The following PTPRD variants were observed in gnomAD, a reference collection of about 807,000 sequenced individuals.
PTPRD encodes receptor-type tyrosine-protein phosphatase delta.
In PTPRD, 34 loss-of-function variants were observed where a neutral mutation model predicts 214.5. The ratio of observed to expected loss-of-function variants is 0.16; its 90% CI spans 0.12 to 0.21. The LOEUF (loss-of-function observed/expected upper bound fraction) is 0.21. PTPRD is among the 10% of genes least tolerant of loss of function. The pLI is 1.00. For missense variants in PTPRD, 2,545 were observed against 2,398.7 expected (o/e 1.06, Z -1.27); for synonymous variants, 1,128 against 845.7 (o/e 1.33, Z -5.79).
intron 3 of PTPRD, among the ~76,000 whole-genome samples, chr9:10,119,939 G>C (rs2098761709): frequency 6.6e-6 from 1 of 151,954 alleles, no homozygotes; most frequent in Admixed American, 6.6e-5. Flanking sequence ...CCACTTCAAA[G>C]TCTTTCACGA....
chr9:10,112,895 G>C (rs2098703137), intron 3 of PTPRD, among the ~76,000 whole-genome samples: 1 of 152,150 alleles, frequency 6.6e-6, no homozygotes, highest in Admixed American at 6.5e-5. Flanking sequence ...CAGTTCTCTG[G>C]TATTTTAGAG....
intron 5 of PTPRD, among the ~76,000 whole-genome samples, chr9:9,890,858 A>G (rs1189362239): frequency 6.6e-6 from 1 of 152,128 alleles, no homozygotes; most frequent in Non-Finnish European, 1.5e-5. Flanking sequence ...ACACTCCTGA[A>G]TCTCTTCTCT....
At chr9:10,354,844 G>A (rs964564559) in intron 2 of PTPRD, among the ~76,000 whole-genome samples, 4 of 152,074 alleles carry the variant, frequency 2.6e-5, no homozygotes, top group Admixed American at 6.6e-5. Context: ...GATGTGTGCC[G>A]TACGTGCTTT....
Position 10,171,707 on chromosome 9 carries a change from T to C in PTPRD, c.-544-137917A>G, listed in dbSNP as rs1028997469. Among the ~76,000 whole-genome samples, 5 of 152,230 alleles carry C rather than the reference T, an allele frequency of 3.3e-5. No individual in the cohort carries two copies. In the East Asian group the frequency reaches 5.8e-4, roughly 18 times the overall value. The stretch of plus-strand genomic sequence containing the variant: ...GCCCGGCTAATTTTTGTATTTTTAG[T>C]AGAGACGGGGTTTCACTGTGTTAAC... On this transcript the variant is annotated intron_variant, in intron 3 of 45. Transcript: ENST00000381196.
chr9:10,165,829 T>A (rs2099155688), intron 3 of PTPRD, among the ~76,000 whole-genome samples: 1 of 151,148 alleles, frequency 6.6e-6, no homozygotes, highest in African/African-American at 2.4e-5. Flanking sequence ...ATCATGTTTA[T>A]GTATTTGTAG....
intron 2 of PTPRD, among the ~76,000 whole-genome samples, chr9:10,490,820 A>T (rs953401789): frequency 6.6e-6 from 1 of 152,174 alleles, no homozygotes; most frequent in Admixed American, 6.6e-5. Flanking sequence ...ATTTGAAATT[A>T]TATGTCATTT....
chr9:8,719,155 G>C (rs1044739628), intron 12 of PTPRD, among the ~76,000 whole-genome samples: 2 of 152,030 alleles, frequency 1.3e-5, no homozygotes, highest in African/African-American at 4.8e-5. Flanking sequence ...AGCTCCAAAT[G>C]TCAGGCACAC....
chr9:9,525,928 A>G (rs558578089), intron 8 of PTPRD, among the ~76,000 whole-genome samples: 22 of 152,010 alleles, frequency 1.4e-4, no homozygotes, highest in Non-Finnish European at 2.4e-4. Context: ...ACATTGCCTC[A>G]CTCTAGAAAT....
rs1433194273 is a variant in PTPRD, at chr9:9,251,997, G to T, written c.-202-68634C>A. On this transcript the variant is annotated intron_variant, in intron 9 of 45. Transcript: ENST00000381196. Reference sequence around the variant, plus strand: ...ATTGTCTTTACAACCTATATACAATGCTTGCTATCCTCTCTTTTAGCTGAA... The same window carrying T: ...ATTGTCTTTACAACCTATATACAATTCTTGCTATCCTCTCTTTTAGCTGAA... Among the ~76,000 whole-genome samples, 5 of 151,968 alleles carry T rather than the reference G, an allele frequency of 3.3e-5. No homozygotes were observed. In the South Asian group the frequency reaches 1.0e-3, roughly 31 times the overall value.
intron 9 of PTPRD, among the ~76,000 whole-genome samples, chr9:9,211,628 G>C (rs138799709): frequency 1.0e-3 from 154 of 151,534 alleles, no homozygotes; most frequent in African/African-American, 3.6e-3. Flanking sequence ...CAAAATATTT[G>C]ACATATACCA....
At chr9:9,300,410 C>T (rs1163047654) in intron 9 of PTPRD, among the ~76,000 whole-genome samples, 1 of 151,760 alleles carries the variant, frequency 6.6e-6, no homozygotes, top group Non-Finnish European at 1.5e-5. Context: ...TCTTTTTAGA[C>T]AGCGCCTCTT....
chr9:9,936,417 C>T (rs1482037525), intron 5 of PTPRD, among the ~76,000 whole-genome samples: 1 of 151,762 alleles, frequency 6.6e-6, no homozygotes, highest in African/African-American at 2.4e-5. Context: ...GGGCGAAGGA[C>T]ATGAACAGAC....
At chr9:9,105,885 AG>A (rs1164370265) in intron 10 of PTPRD, among the ~76,000 whole-genome samples, 5 of 152,190 alleles carry the variant, frequency 3.3e-5, no homozygotes, top group Non-Finnish European at 7.3e-5. Context: ...CTCTTTACTT[AG>A]CTACGACTCC....
At chr9:10,550,497 G>A (rs1288526317) in intron 2 of PTPRD, among the ~76,000 whole-genome samples, 2 of 152,110 alleles carry the variant, frequency 1.3e-5, no homozygotes, top group Non-Finnish European at 2.9e-5. Flanking sequence ...GCTGATTTAG[G>A]CAAATGGAAA....
chr9:10,600,960 C>A (rs2077813964), intron 2 of PTPRD, among the ~76,000 whole-genome samples: 1 of 151,634 alleles, frequency 6.6e-6, no homozygotes, highest in Admixed American at 6.6e-5. Context: ...TCATCATAAG[C>A]TAACTAAATT....
chr9:9,543,592 T>C (rs1000771497), intron 8 of PTPRD, among the ~76,000 whole-genome samples: 1 of 151,632 alleles, frequency 6.6e-6, no homozygotes, highest in Non-Finnish European at 1.5e-5. Flanking sequence ...TGATGGATAA[T>C]GCAGGTACAA....
chr9:9,598,560 A>G (rs2093532386), intron 7 of PTPRD, among the ~76,000 whole-genome samples: 2 of 152,062 alleles, frequency 1.3e-5, no homozygotes, highest in Admixed American at 1.3e-4. Context: ...TGAAGAAGCA[A>G]CTACTATAGA....
At chr9:8,359,913 A>G (rs1401940695) in intron 39 of PTPRD, among the ~76,000 whole-genome samples, 2 of 152,082 alleles carry the variant, frequency 1.3e-5, no homozygotes, top group East Asian at 1.9e-4. Flanking sequence ...CATTTAACCA[A>G]TTTAACTCAA....
intron 10 of PTPRD, among the ~76,000 whole-genome samples, chr9:9,067,360 T>A (rs886825305): frequency 6.6e-6 from 1 of 152,264 alleles, no homozygotes; most frequent in African/African-American, 2.4e-5. Flanking sequence ...ATGTTTGAAT[T>A]CTTTGTGTAT....
Sources: gnomAD v4.1 joint callset for allele counts (sites outside exome capture counted in the v4.1 genomes callset) on GRCh38, gnomAD v4.1.1 for gene constraint, MANE v1.5 for transcripts, NCBI Gene and HGNC (gene_info 2026-07-23, HGNC 2026-07-21) for gene names.